AK5: variants seen among roughly 807,000 people sequenced by gnomAD.
AK5 encodes the protein adenylate kinase 5.
Under a neutral mutation model 69.5 loss-of-function variants are expected in AK5, and 27 were observed. The ratio of observed to expected loss-of-function variants is 0.39; its 90% CI spans 0.29 to 0.54. The LOEUF (loss-of-function observed/expected upper bound fraction) is 0.54. Among genes scored for constraint, AK5 ranks in the 20% least tolerant of loss-of-function variants. AK5 has a pLI of 0.71. For missense variants in AK5, 531 were observed against 700.4 expected, an observed-to-expected ratio of 0.76 and a Z score of 2.73; for synonymous variants, 260 against 244.4, an observed-to-expected ratio of 1.06 and a Z score of -0.60.
intron 6 of AK5, among the ~76,000 whole-genome samples, chr1:77,367,220 G>T (rs1020419633): frequency 1.3e-5 from 2 of 150,406 alleles, no homozygotes; most frequent in African/African-American, 2.4e-5. Context: ...CAGATTTGGG[G>T]TTTTTTTTGG....
At position 77,468,949 on chromosome 1, in the gene AK5, G is replaced by C. The variant is rs570600614; in HGVS notation, c.1060-14368G>C. 8.5e-5 allele frequency among the ~76,000 whole-genome samples: 13 copies of C among 152,312 alleles called. No individual in the cohort carries two copies. The South Asian group carries it at 1.0e-3, about 12-fold the overall frequency. On this transcript the variant is annotated intron_variant, in intron 8 of 13. Transcript: ENST00000354567. ...GAAACCAACCTGGTAGCTGTCTTCT[G>C]CATTGTCTTGGGGAAATTATAGCAG... is the stretch of plus-strand genomic sequence containing the variant.
chr1:77,408,639 C>G (rs1649820413), intron 6 of AK5, among the ~76,000 whole-genome samples: 1 of 151,904 alleles, frequency 6.6e-6, no homozygotes, highest in African/African-American at 2.4e-5. Flanking sequence ...TAATTAGGTC[C>G]CACTTATCAA....
chr1:77,513,808 A>G (rs1388266616), intron 10 of AK5, among the ~76,000 whole-genome samples: 5 of 152,218 alleles, frequency 3.3e-5, no homozygotes, highest in African/African-American at 1.2e-4. Context: ...CCAGCTCAGG[A>G]TGCTGAATCC....
intron 1 of AK5, chr1:77,283,716 T>G (rs1658193264): frequency 1.6e-6 from 1 of 630,828 alleles, no homozygotes; most frequent in Admixed American, 6.3e-5. Flanking sequence ...GGACAGGTCT[T>G]GAGAATATGT....
At chr1:77,484,182 C>G (rs1655446178) in intron 9 of AK5, among the ~76,000 whole-genome samples, 1 of 149,022 alleles carries the variant, frequency 6.7e-6, no homozygotes, top group South Asian at 2.1e-4. Context: ...AAAAGTCTTG[C>G]AAAAAGTAAA....
intron 13 of AK5, among the ~76,000 whole-genome samples, chr1:77,541,826 T>C (rs1220666002): frequency 6.6e-6 from 1 of 152,210 alleles, no homozygotes; most frequent in Middle Eastern, 3.2e-3. Context: ...GGCACTCTGA[T>C]TCCCAGCTCC....
intron 6 of AK5, among the ~76,000 whole-genome samples, chr1:77,393,609 C>G (rs532432318): frequency 2.6e-5 from 4 of 152,320 alleles, no homozygotes; most frequent in African/African-American, 9.6e-5. Context: ...TAGACAACCA[C>G]TTGCCACTTC....
rs775278192 is a variant in AK5, at chr1:77,417,729, G to GA, written c.1059+18dup. 4.8e-5 allele frequency: 71 copies of GA among 1,491,042 alleles called. No individual in the cohort carries two copies. Among genetic ancestry groups the GA allele is most frequent in the Admixed American group, 8.8e-5 (5 of 57,142 alleles). The allele number at this position is 1,491,042 out of a possible 1,614,324, so 92.4% of individuals were successfully genotyped here. On this transcript the variant is annotated intron_variant, in intron 8 of 13. Transcript: ENST00000354567. ...TATGAAGATCAGGTAATTAAAATCT[G>GA]AAAATAGTTCTCTATTTAAATGTTT...
chr1:77,306,824 G>A (rs1659669410), intron 5 of AK5, among the ~76,000 whole-genome samples: 2 of 151,852 alleles, frequency 1.3e-5, no homozygotes, highest in Admixed American at 6.6e-5. Context: ...TTGATAAGTG[G>A]CATGCATCTC....
At chr1:77,318,340 A>G (rs998823461) in intron 5 of AK5, among the ~76,000 whole-genome samples, 2 of 152,124 alleles carry the variant, frequency 1.3e-5, no homozygotes, top group African/African-American at 4.8e-5. Flanking sequence ...GCAAGGGAGG[A>G]TGCTGCTAAA....
intron 13 of AK5, among the ~76,000 whole-genome samples, chr1:77,545,374 G>A (rs1163995957): frequency 3.3e-5 from 5 of 152,064 alleles, no homozygotes; most frequent in East Asian, 1.9e-4. Context: ...CAAGCTGTAC[G>A]CATTTCTGTG....
At chr1:77,525,988 T>A (rs1466460516) in intron 12 of AK5, among the ~76,000 whole-genome samples, 1 of 152,038 alleles carries the variant, frequency 6.6e-6, no homozygotes, top group Non-Finnish European at 1.5e-5. Context: ...GAAAAAAAAA[T>A]TAGGATTTTG....
At position 77,465,186 on chromosome 1, in the gene AK5, G is replaced by A. The variant is rs944521924; in HGVS notation, c.1060-18131G>A. On this transcript the variant is annotated intron_variant, in intron 8 of 13. Coordinates refer to ENST00000354567, the MANE Select transcript of AK5 (RefSeq NM_174858.3). ...TTCTCATTCATGAAATGGAAGTGCT[G>A]CCACTTCAGGGTCCTGTAAAGAGAT... Among the ~76,000 whole-genome samples, 82 of 152,090 alleles carry A rather than the reference G, an allele frequency of 5.4e-4. 6 individuals are homozygous for A. The highest frequency in any genetic ancestry group is 2.9e-5 in the Non-Finnish European group (2 of 68,026).
At position 77,282,061 on chromosome 1, in the gene AK5, TGCTCGGCGCCTGCAGCTCCG is replaced by T. The variant is rs1224282654; in HGVS notation, c.-246_-227del. ...GCAGCCCGGGAAGCCGCGGCACAGC[TGCTCGGCGCCTGCAGCTCCG>T]GCTCGGGGGCTGGAACCGAAGCGGG... is the stretch of plus-strand genomic sequence containing the variant. On this transcript the variant is annotated 5_prime_UTR_variant, in exon 1 of 14. Coordinates refer to ENST00000354567, the MANE Select transcript of AK5 (RefSeq NM_174858.3). 8.3e-6 allele frequency: 3 copies of T among 363,420 alleles called. No individual in the cohort carries two copies. Among genetic ancestry groups the T allele is most frequent in the Non-Finnish European group, 9.9e-6 (2 of 202,622 alleles). The allele number at this position is 363,420 out of a possible 1,614,324, so 22.5% of individuals were successfully genotyped here. A position where few individuals can be genotyped will look rare whatever the true frequency, so the allele number is the denominator to read the frequency against.
chr1:77,475,483 T>A (rs535417081), intron 8 of AK5, among the ~76,000 whole-genome samples: 4 of 44,384 alleles, frequency 9.0e-5, no homozygotes, highest in Middle Eastern at 8.5e-3. Context: ...GTATATATAT[T>A]ATATATATAC....
intron 8 of AK5, among the ~76,000 whole-genome samples, chr1:77,475,374 T>C (rs1570213132): frequency 2.8e-5 from 3 of 105,758 alleles, no homozygotes; most frequent in South Asian, 2.8e-4. Flanking sequence ...TATACAAATA[T>C]ATATTATATA....
chr1:77,337,964 TA>T lies in AK5; in HGVS notation c.700-2412del, dbSNP rs762153211. On this transcript the variant is annotated intron_variant, in intron 5 of 13. Coordinates refer to ENST00000354567, the MANE Select transcript of AK5 (RefSeq NM_174858.3). ...AGACATCTGAACAATGTTTTCTTTT[TA>T]TTTTTTTTTTTTTTTTGAGACAGAG... is the stretch of plus-strand genomic sequence containing the variant. Among the ~76,000 whole-genome samples, 398 of 71,186 alleles carry T rather than the reference TA, an allele frequency of 5.6e-3. 9 individuals carry two copies. The highest frequency in any genetic ancestry group is 8.6e-3 in the Admixed American group (57 of 6,666). The allele number at this position is 71,186 out of a possible 152,430, so 46.7% of individuals were successfully genotyped here.
chr1:77,486,770 A>G (rs1655632324), intron 10 of AK5, among the ~76,000 whole-genome samples: 1 of 151,944 alleles, frequency 6.6e-6, no homozygotes, highest in Non-Finnish European at 1.5e-5. Flanking sequence ...TTTTTGGTCA[A>G]AATAGTACCC....
At chr1:77,492,254 A>G (rs758640924) in intron 10 of AK5, among the ~76,000 whole-genome samples, 2 of 152,216 alleles carry the variant, frequency 1.3e-5, no homozygotes, top group Non-Finnish European at 2.9e-5. Context: ...TTACTGCTTC[A>G]TCAAGGGCAT....
Sources: gnomAD v4.1 joint callset for allele counts (sites outside exome capture counted in the v4.1 genomes callset) on GRCh38, gnomAD v4.1.1 for gene constraint, MANE v1.5 for transcripts, NCBI Gene and HGNC (gene_info 2026-07-23, HGNC 2026-07-21) for gene names.